DNAJC11: variants seen among roughly 807,000 people sequenced by gnomAD.
The protein encoded by DNAJC11 is dnaJ homolog subfamily C member 11.
Under a neutral mutation model 78.6 loss-of-function variants are expected in DNAJC11, and 15 were observed. That is an observed-to-expected ratio of 0.19 (90% CI 0.13 to 0.29). The LOEUF is 0.29. Among genes scored for constraint, DNAJC11 ranks in the 10% least tolerant of loss-of-function variants. The probability of loss-of-function intolerance (pLI) is 1.00; values close to 1 mark genes in which losing one functional copy is unlikely to be tolerated. For synonymous variants in DNAJC11, 292 were observed against 272.1 expected, an observed-to-expected ratio of 1.07 and a Z score of -0.72; for missense variants, 547 against 709.6, an observed-to-expected ratio of 0.77 and a Z score of 2.60.
intron 2 of DNAJC11, among the ~76,000 whole-genome samples, chr1:6,679,244 C>T (rs949129551): frequency 2.0e-5 from 3 of 152,208 alleles, no homozygotes; most frequent in African/African-American, 7.2e-5. Flanking sequence ...TTGTTATTTA[C>T]TCTATAGAGT....
intron 4 of DNAJC11, among the ~76,000 whole-genome samples, chr1:6,657,853 G>A (rs1642153776): frequency 6.6e-6 from 1 of 152,190 alleles, no homozygotes; most frequent in South Asian, 2.1e-4. Context: ...CACCGTGTTA[G>A]CCAGGATGGT....
chr1:6,674,901 C>T (rs1355131745), intron 3 of DNAJC11, among the ~76,000 whole-genome samples: 1 of 152,174 alleles, frequency 6.6e-6, no homozygotes, highest in African/African-American at 2.4e-5. Context: ...GCCCTTCACC[C>T]TTCACTGACT....
At chr1:6,636,972 C>T (rs764701827) in intron 14 of DNAJC11, among the ~76,000 whole-genome samples, 18 of 152,310 alleles carry the variant, frequency 1.2e-4, no homozygotes, top group Non-Finnish European at 1.3e-4. Flanking sequence ...CTTCAGCCTC[C>T]CGAACAGCTG....
intron 4 of DNAJC11, among the ~76,000 whole-genome samples, chr1:6,654,687 T>C (rs139478357): frequency 3.4e-4 from 52 of 152,338 alleles, no homozygotes; most frequent in Non-Finnish European, 6.0e-4. Flanking sequence ...AAAACGGACA[T>C]TATCTTAATC....
chr1:6,668,588 G>A (rs543802173), intron 3 of DNAJC11, among the ~76,000 whole-genome samples: 7 of 152,128 alleles, frequency 4.6e-5, no homozygotes, highest in South Asian at 4.2e-4. Flanking sequence ...TCGAGCTGTC[G>A]GGTCTAGGTG....
Position 6,636,107 on chromosome 1 carries a change from G to A in DNAJC11, c.1654+10C>T, listed in dbSNP as rs200534167. 27 of 1,612,798 alleles carry A rather than the reference G, an allele frequency of 1.7e-5. No homozygotes were observed. Among genetic ancestry groups the A allele is most frequent in the East Asian group, 4.5e-5 (2 of 44,884 alleles). ...CGTTAGCTGGTGACTGCGAAGGGAC[G>A]GCTACTCACACTGCTTTGGTATCCG... On this transcript the variant is annotated intron_variant, in intron 15 of 15. Transcript: ENST00000377577.
rs978566194 is a variant in DNAJC11, at chr1:6,645,279, T to C, written c.895-153A>G. ...GGCAGCCGCAGTGAGTGCACCATGA[T>C]TTATTAGCAGCCAGTAATTAAAAAG... On this transcript the variant is annotated intron_variant, in intron 8 of 15. Transcript: ENST00000377577. The surrounding 1 kb of genome is among the most constrained non-coding windows in gnomAD (Gnocchi z 4.1). Among the ~76,000 whole-genome samples the C allele has an allele frequency of 2.0e-5, 3 of 152,178 alleles. No individual in the cohort carries two copies. The highest frequency in any genetic ancestry group is 7.2e-5 in the African/African-American group (3 of 41,440).
chr1:6,638,094 A>C, intron 12 of DNAJC11: 1 of 488,262 alleles, frequency 2.0e-6, no homozygotes, highest in Non-Finnish European at 3.6e-6. Context: ...ACTTTAAAAA[A>C]GCCCTTGTTA....
intron 1 of DNAJC11, 21 bp from the exon 2 acceptor site, chr1:6,681,058 T>C (rs1472777281): frequency 6.3e-7 from 1 of 1,587,564 alleles, no homozygotes; most frequent in Non-Finnish European, 8.6e-7. Context: ...AAAAATTCAA[T>C]TAGAGAACAA....
At chr1:6,666,499 G>C (rs1410068518) in intron 4 of DNAJC11, among the ~76,000 whole-genome samples, 1 of 148,312 alleles carries the variant, frequency 6.7e-6, no homozygotes, top group Non-Finnish European at 1.5e-5. Flanking sequence ...CTATTCTCCT[G>C]TCTCAGCCTC....
chr1:6,642,064 C>G (rs1473456587), intron 10 of DNAJC11, among the ~76,000 whole-genome samples: 2 of 152,138 alleles, frequency 1.3e-5, no homozygotes, highest in Admixed American at 1.3e-4. Flanking sequence ...TATTTATCTG[C>G]AGACTGAGAA....
At position 6,637,569 on chromosome 1, in the gene DNAJC11, G is replaced by A. The variant is rs2148726321; in HGVS notation, c.1324-65C>T. 9 of 1,574,926 alleles carry A rather than the reference G, an allele frequency of 5.7e-6. No individual in the cohort carries two copies. In the South Asian group the frequency reaches 8.9e-5, roughly 16 times the overall value. ...GGCCTGTTCCACCTCTGGTGAGAGG[G>A]CCACAGGCAGGCAGTCTTGTCCACG... On this transcript the variant is annotated intron_variant, in intron 12 of 15. Transcript: ENST00000377577.
intron 1 of DNAJC11, among the ~76,000 whole-genome samples, chr1:6,686,084 T>C (rs1642650823): frequency 6.6e-6 from 1 of 152,330 alleles, no homozygotes; most frequent in South Asian, 2.1e-4. Flanking sequence ...AATACATTTG[T>C]ATTTGTGTCT....
chr1:6,676,964 A>G (rs1642472976), intron 3 of DNAJC11, among the ~76,000 whole-genome samples: 1 of 152,132 alleles, frequency 6.6e-6, no homozygotes, highest in South Asian at 2.1e-4. Flanking sequence ...GTCTGAGGTC[A>G]GGAGTTCGAG....
chr1:6,672,787 T>C (rs1211468183), intron 3 of DNAJC11, among the ~76,000 whole-genome samples: 1 of 152,192 alleles, frequency 6.6e-6, no homozygotes, highest in African/African-American at 2.4e-5. Context: ...GACAGAGGCA[T>C]CTGGGAACAC....
chr1:6,698,647 A>C (rs1642878295), intron 1 of DNAJC11, among the ~76,000 whole-genome samples: 1 of 151,826 alleles, frequency 6.6e-6, no homozygotes, highest in Non-Finnish European at 1.5e-5. Flanking sequence ...AAAAAATTTA[A>C]GAAATATTTT....
chr1:6,657,635 G>A (rs1394673316), intron 4 of DNAJC11, among the ~76,000 whole-genome samples: 12 of 152,206 alleles, frequency 7.9e-5, no homozygotes, highest in African/African-American at 2.2e-4. Flanking sequence ...GTAGATACAT[G>A]CCCCAAATAA....
intron 4 of DNAJC11, among the ~76,000 whole-genome samples, chr1:6,656,876 A>G (rs1312531644): frequency 6.6e-6 from 1 of 152,100 alleles, no homozygotes; most frequent in Non-Finnish European, 1.5e-5. Flanking sequence ...TGACTGTATC[A>G]CTGCACTCTA....
At chr1:6,696,460 A>C (rs1172416459) in intron 1 of DNAJC11, among the ~76,000 whole-genome samples, 1 of 152,174 alleles carries the variant, frequency 6.6e-6, no homozygotes, top group Non-Finnish European at 1.5e-5. Context: ...CCCTAGGACA[A>C]TCTTGCCAGT....
Sources: gnomAD v4.1 joint callset for allele counts (sites outside exome capture counted in the v4.1 genomes callset) on GRCh38, gnomAD v4.1.1 for gene constraint, Gnocchi (gnomAD v3.1) non-coding constraint, MANE v1.5 for transcripts, NCBI Gene and HGNC (gene_info 2026-07-23, HGNC 2026-07-21) for gene names.